Variants in SH3PXD2B observed in about 807,000 individuals in gnomAD.
SH3PXD2B encodes SH3 and PX domains 2B.
Under a neutral mutation model 73.1 loss-of-function variants are expected in SH3PXD2B, and 37 were observed. The ratio of observed to expected loss-of-function variants is 0.51; its 90% CI spans 0.39 to 0.67. The LOEUF (loss-of-function observed/expected upper bound fraction) is 0.67, where lower values mean the gene tolerates loss of function less well. Ranked by LOEUF, SH3PXD2B falls within the 30% of genes least tolerant of loss-of-function variation. SH3PXD2B has a pLI of 0.00. For synonymous variants in SH3PXD2B, 457 were observed against 480.5 expected (o/e 0.95, Z 0.64); for missense variants, 1,053 against 1,197.8 (o/e 0.88, Z 1.78).
intron 7 of SH3PXD2B, among the ~76,000 whole-genome samples, chr5:172,359,765 C>T (rs560646157): frequency 7.2e-5 from 11 of 152,270 alleles, no homozygotes; most frequent in African/African-American, 2.2e-4. Flanking sequence ...TATGAAGTTA[C>T]GTGGCACTAG....
At chr5:172,390,712 A>G (rs1392182660) in intron 4 of SH3PXD2B, among the ~76,000 whole-genome samples, 1 of 152,246 alleles carries the variant, frequency 6.6e-6, no homozygotes, top group Non-Finnish European at 1.5e-5. Context: ...TTGTGTGGAC[A>G]CAAGTTTTCA....
chr5:172,366,039 C>A (rs545021057), intron 6 of SH3PXD2B, among the ~76,000 whole-genome samples: 3 of 152,278 alleles, frequency 2.0e-5, no homozygotes, highest in African/African-American at 2.4e-5. Context: ...AGAAAAAGCA[C>A]CCACTTCACA....
In SH3PXD2B at chr5:172,406,314, C is replaced by G; in HGVS notation, c.195G>C (p.Gln65His). 1 of 1,614,122 alleles carries G rather than the reference C, an allele frequency of 6.2e-7. No homozygotes were observed. The highest frequency in any genetic ancestry group is 1.1e-5 in the South Asian group (1 of 91,076). ...MLDKFPMEGGQKDPKQRIIPF... is the reference protein window; with the variant it reads ...MLDKFPMEGGHKDPKQRIIPF... ...GGATGATCCGCTGCTTGGGGTCCTT[C>G]TGTCCTCCTTCCATGGGAAATTTGT... Residue 65 changes from glutamine to histidine, a missense_variant, in exon 3 of 13, where the codon CAG becomes CAC. By Grantham distance (24) the Gln-to-His change is conservative. Coordinates refer to ENST00000311601, the MANE Select transcript of SH3PXD2B (RefSeq NM_001017995.3).
Position 172,366,951 on chromosome 5 carries a change from TTTG to T in SH3PXD2B, c.428-4085_428-4083del, listed in dbSNP as rs1268108958. ...CCGGCCATTTTTTTTTTTTTTTTTT[TTTG>T]GGGACAGAGTCTTGCCCCATCGCCC... is the stretch of plus-strand genomic sequence containing the variant. On this transcript the variant is annotated intron_variant, in intron 6 of 12. Coordinates refer to ENST00000311601, the MANE Select transcript of SH3PXD2B (RefSeq NM_001017995.3). Among the ~76,000 whole-genome samples, 86 of 126,672 alleles carry T rather than the reference TTTG, an allele frequency of 6.8e-4. 5 individuals carry two copies. The highest frequency in any genetic ancestry group is 1.2e-3 in the African/African-American group (28 of 24,238). The allele number at this position is 126,672 out of a possible 152,430, so 83.1% of individuals were successfully genotyped here. A position where few individuals can be genotyped will look rare whatever the true frequency, so the allele number is the denominator to read the frequency against.
chr5:172,384,686 T>C (rs1323815024), intron 4 of SH3PXD2B, among the ~76,000 whole-genome samples: 1 of 152,230 alleles, frequency 6.6e-6, no homozygotes, highest in Non-Finnish European at 1.5e-5. Flanking sequence ...GCGTAAACAC[T>C]TCCTTCCTTT....
At chr5:172,414,400 C>T (rs771568347) in intron 2 of SH3PXD2B, among the ~76,000 whole-genome samples, 30 of 135,876 alleles carry the variant, frequency 2.2e-4, no homozygotes, top group Non-Finnish European at 4.3e-4. Flanking sequence ...ACCCGGGAAG[C>T]GGAGGTGGCC....
At chr5:172,382,221 C>T in intron 4 of SH3PXD2B, 94 bp from the exon 5 acceptor site, 11 of 1,048,136 alleles carry the variant, frequency 1.0e-5, no homozygotes, top group Non-Finnish European at 1.5e-5. Flanking sequence ...GAGGCTGAGG[C>T]AAGATAATTG....
At chr5:172,380,535 A>G (rs539397586) in intron 5 of SH3PXD2B, among the ~76,000 whole-genome samples, 131 of 152,298 alleles carry the variant, frequency 8.6e-4, no homozygotes, top group African/African-American at 3.0e-3. Context: ...CTATTTCCCC[A>G]TATTTCATGA....
At position 172,392,806 on chromosome 5, in the gene SH3PXD2B, TAAAC is replaced by T. The variant is rs570261723; in HGVS notation, c.309+1753_309+1756del. Among the ~76,000 whole-genome samples the T allele has an allele frequency of 3.8e-3, 571 of 152,070 alleles. 4 individuals are homozygous for T. Among genetic ancestry groups the T allele is most frequent in the African/African-American group, 0.013 (549 of 41,500 alleles). ...TCTCAAAAACAAAAACAAAAACAAA[TAAAC>T]AAACAAAAACTATCCTTTTGCCAGT... On this transcript the variant is annotated intron_variant, in intron 4 of 12. Coordinates refer to ENST00000311601, the MANE Select transcript of SH3PXD2B (RefSeq NM_001017995.3).
chr5:172,378,297 G>A (rs2731718), intron 5 of SH3PXD2B, among the ~76,000 whole-genome samples: 56,294 of 152,096 alleles, frequency 0.37, 10,905 homozygotes, highest in East Asian at 0.68. Flanking sequence ...GAGGGCAGAG[G>A]CATCCCAGCA....
chr5:172,364,686 C>A (rs1232580972), intron 6 of SH3PXD2B, among the ~76,000 whole-genome samples: 6 of 151,974 alleles, frequency 3.9e-5, no homozygotes, highest in Non-Finnish European at 7.4e-5. Flanking sequence ...CCAAAAAAAC[C>A]AAAAAAACCA....
rs753753762 is a variant in SH3PXD2B at position 172,338,724 on chromosome 5, G to C, written c.2381C>G (p.Pro794Arg). Residue 794 changes from proline to arginine, a missense_variant, in exon 13 of 13, where the codon CCA (proline) becomes CGA (arginine). By Grantham distance (103) the Pro-to-Arg change is moderately radical. Transcript: ENST00000311601. This position sits in a 1 kb window ranked among gnomAD's most constrained non-coding sequence, Gnocchi z 5.1. ...TGGAGGGACGAGGAGAGCACGGCCT[G>C]GGGTGGGAGCTGCCCTGCTTTCGTG... ...EGHESRAAPT[P>R]GRALLVPPKA... 37 of 1,614,242 alleles carry C rather than the reference G, an allele frequency of 2.3e-5. 1 individual carries two copies. In the South Asian group the frequency reaches 3.4e-4, roughly 15 times the overall value.
At chr5:172,328,754 C>T (rs892345796), downstream of SH3PXD2B, among the ~76,000 whole-genome samples, 3 of 152,058 alleles carry the variant, frequency 2.0e-5, no homozygotes, top group East Asian at 1.9e-4. Context: ...GTGGAATATG[C>T]GTCCCTGGGC....
At chr5:172,374,592 G>C (rs1757781396) in intron 5 of SH3PXD2B, among the ~76,000 whole-genome samples, 1 of 152,218 alleles carries the variant, frequency 6.6e-6, no homozygotes, top group Admixed American at 6.5e-5. Flanking sequence ...TGAGACAGGA[G>C]AATCAATTGA....
intron 1 of SH3PXD2B, among the ~76,000 whole-genome samples, chr5:172,427,813 T>C (rs1759134571): frequency 6.6e-6 from 1 of 151,054 alleles, no homozygotes; most frequent in Admixed American, 6.6e-5. Context: ...AGTCTTGCCC[T>C]ATCACCCAGG....
chr5:172,370,007 A>G (rs1308861411), intron 6 of SH3PXD2B, among the ~76,000 whole-genome samples: 1 of 152,150 alleles, frequency 6.6e-6, no homozygotes, highest in East Asian at 1.9e-4. Flanking sequence ...AATAAATTAT[A>G]AATTAATTAT....
intron 7 of SH3PXD2B, among the ~76,000 whole-genome samples, chr5:172,361,970 C>T (rs986753414): frequency 6.6e-6 from 1 of 152,230 alleles, no homozygotes; most frequent in African/African-American, 2.4e-5. Context: ...GTCGTTTCCA[C>T]TGCATTTTCC....
chr5:172,353,862 C>T lies in SH3PXD2B; in HGVS notation c.785+26G>A. 1 of 1,599,162 alleles carries T rather than the reference C, an allele frequency of 6.3e-7. No homozygotes were observed. Among genetic ancestry groups the T allele is most frequent in the Non-Finnish European group, 8.6e-7 (1 of 1,167,336 alleles). ...CCAGCGTGACCCCAAACCCACCCAG[C>T]AACCGTGGGGGGCAGCGGCTGGTAC... On this transcript the variant is annotated intron_variant, in intron 9 of 12. Transcript: ENST00000311601. The surrounding 1 kb of genome is among the most constrained non-coding windows in gnomAD (Gnocchi z 4.3).
chr5:172,345,618 C>G (rs1756976340), intron 12 of SH3PXD2B, among the ~76,000 whole-genome samples: 1 of 152,116 alleles, frequency 6.6e-6, no homozygotes, highest in South Asian at 2.1e-4. Context: ...TCTTGAAGCT[C>G]TAACCCCATG....
Sources: gnomAD v4.1 joint callset for allele counts (sites outside exome capture counted in the v4.1 genomes callset) on GRCh38, gnomAD v4.1.1 for gene constraint, Gnocchi (gnomAD v3.1) non-coding constraint, MANE v1.5 for transcripts, NCBI Gene and HGNC (gene_info 2026-07-23, HGNC 2026-07-21) for gene names.